KAT2B: variants seen among roughly 807,000 people sequenced by gnomAD.
KAT2B encodes the protein histone acetyltransferase KAT2B.
A neutral mutation model predicts 105.9 loss-of-function variants in KAT2B; 36 were observed. The ratio of observed to expected loss-of-function variants is 0.34; its 90% CI spans 0.26 to 0.45. KAT2B has a LOEUF of 0.45. Ranked by LOEUF, KAT2B falls within the 20% of genes least tolerant of loss-of-function variation. The pLI is 1.00. For missense variants in KAT2B, 820 were observed against 1,021.6 expected (o/e 0.80, Z 2.69); for synonymous variants, 397 against 377.9 (o/e 1.05, Z -0.59).
intron 2 of KAT2B, among the ~76,000 whole-genome samples, chr3:20,091,549 CTTCT>C (rs1328158697): frequency 6.6e-6 from 1 of 151,722 alleles, no homozygotes; most frequent in Non-Finnish European, 1.5e-5. Flanking sequence ...TTAGTTCGTT[CTTCT>C]TTGTCTAGTT....
In KAT2B at chr3:20,146,329, T is replaced by C. The variant is rs759409572; in HGVS notation, c.2018T>C (p.Leu673Pro). The change falls in exon 14 of 18, where the codon CTG becomes CCG. Residue 673 changes from leucine to proline, a missense_variant. Physicochemically the swap from Leu to Pro is moderately conservative, Grantham distance 98. Transcript: ENST00000263754. Reference protein sequence around the residue: ...IKKQKEIIKKLIERKQAQIRK... With the variant: ...IKKQKEIIKKPIERKQAQIRK... ...TGTGCTTTACAGATAATTAAAAAAC[T>C]GATTGAAAGAAAACAGGCACAAATT... is the stretch of plus-strand genomic sequence containing the variant. 4 of 1,602,918 alleles carry C rather than the reference T, an allele frequency of 2.5e-6. No homozygotes were observed. Among genetic ancestry groups the C allele is most frequent in the Non-Finnish European group, 3.4e-6 (4 of 1,170,098 alleles).
At position 20,152,435 on chromosome 3, in the gene KAT2B, C is replaced by T. The variant is rs139361011; in HGVS notation, c.2409C>T (p.Asn803=). 3.1e-5 allele frequency: 50 copies of T among 1,612,874 alleles called. No homozygotes were observed. The highest frequency in any genetic ancestry group is 3.9e-5 in the Non-Finnish European group (46 of 1,179,056). ...QRVFTNCKEY[N]PPESEYYKCA... ...TCTTTACCAATTGCAAAGAGTACAACCCCCCTGAGAGTGAATACTACAAAT... is the reference window on the plus strand; with the variant it reads ...TCTTTACCAATTGCAAAGAGTACAATCCCCCTGAGAGTGAATACTACAAAT... The change falls in exon 18 of 18, where the codon AAC becomes AAT. Residue 803 remains asparagine (N), a synonymous_variant. Transcript: ENST00000263754.
intron 3 of KAT2B, among the ~76,000 whole-genome samples, chr3:20,098,225 G>A (rs766985807): frequency 5.2e-4 from 68 of 130,938 alleles, no homozygotes; most frequent in Non-Finnish European, 8.6e-4. Context: ...GTGAGACAAC[G>A]TCCCAAATTA....
At chr3:20,058,850 C>T (rs1048194497) in intron 1 of KAT2B, among the ~76,000 whole-genome samples, 2 of 152,068 alleles carry the variant, frequency 1.3e-5, no homozygotes, top group African/African-American at 4.8e-5. Flanking sequence ...GAAGTCAAAC[C>T]ATCTTTATCT....
chr3:20,083,307 G>T (rs1286800675), intron 2 of KAT2B, among the ~76,000 whole-genome samples: 2 of 152,078 alleles, frequency 1.3e-5, no homozygotes, highest in African/African-American at 2.4e-5. Context: ...ATCTCTTTAA[G>T]AAAACATACT....
chr3:20,138,452 A>G (rs1699642138), intron 12 of KAT2B, among the ~76,000 whole-genome samples: 1 of 152,092 alleles, frequency 6.6e-6, no homozygotes, highest in African/African-American at 2.4e-5. Context: ...GTTTGTGTAC[A>G]TGTTTTGCCC....
chr3:20,079,011 G>A (rs1242156787), intron 2 of KAT2B, among the ~76,000 whole-genome samples: 1 of 150,662 alleles, frequency 6.6e-6, no homozygotes. Flanking sequence ...AGCTTCCCAG[G>A]TAGCTGGGAT....
At chr3:20,075,124 CAT>C (rs774565376) in intron 2 of KAT2B, among the ~76,000 whole-genome samples, 4 of 151,932 alleles carry the variant, frequency 2.6e-5, no homozygotes, top group Non-Finnish European at 5.9e-5. Flanking sequence ...ATTAGCTGGG[CAT>C]GGTGGCAAGC....
chr3:20,147,757 CAT>C (rs1023355715), intron 14 of KAT2B, among the ~76,000 whole-genome samples: 2 of 152,186 alleles, frequency 1.3e-5, no homozygotes, highest in Admixed American at 6.5e-5. Flanking sequence ...AAAACACTAA[CAT>C]ATGGGGCAGC....
intron 5 of KAT2B, 43 bp from the exon 6 acceptor site, chr3:20,111,553 G>A: frequency 3.4e-6 from 5 of 1,467,306 alleles, no homozygotes; most frequent in Non-Finnish European, 4.7e-6. Flanking sequence ...GATGACCTGG[G>A]GGTTTATGGG....
chr3:20,151,304 C>T (rs9853877), intron 17 of KAT2B, among the ~76,000 whole-genome samples: 2,930 of 152,246 alleles, frequency 0.019, 107 homozygotes, highest in African/African-American at 0.067. Flanking sequence ...CAAATGAATT[C>T]CTTCCCATTT....
intron 5 of KAT2B, among the ~76,000 whole-genome samples, chr3:20,111,300 A>G (rs1044344715): frequency 1.3e-5 from 2 of 152,242 alleles, no homozygotes; most frequent in Non-Finnish European, 2.9e-5. Flanking sequence ...TTTCAAAGTT[A>G]TGCAGCTAGT....
intron 17 of KAT2B, among the ~76,000 whole-genome samples, chr3:20,151,213 G>A (rs958218503): frequency 1.3e-5 from 2 of 152,172 alleles, no homozygotes; most frequent in Non-Finnish European, 2.9e-5. Flanking sequence ...AACCAAGATA[G>A]GCTTTATTCA....
At chr3:20,064,635 G>C (rs1310873072) in intron 1 of KAT2B, among the ~76,000 whole-genome samples, 5 of 152,196 alleles carry the variant, frequency 3.3e-5, no homozygotes, top group Admixed American at 1.3e-4. Flanking sequence ...CTGCAGGGTA[G>C]AATGAGTAAC....
At chr3:20,107,470 C>T (rs1023933745) in intron 5 of KAT2B, among the ~76,000 whole-genome samples, 2 of 151,270 alleles carry the variant, frequency 1.3e-5, no homozygotes, top group Admixed American at 1.3e-4. Context: ...CCAGCCTGGC[C>T]AACATGGTGA....
intron 1 of KAT2B, among the ~76,000 whole-genome samples, chr3:20,064,375 C>T (rs1435445040): frequency 6.6e-6 from 1 of 152,150 alleles, no homozygotes; most frequent in Non-Finnish European, 1.5e-5. Flanking sequence ...TCTCTTGTAG[C>T]TATTTTGTAA....
At chr3:20,057,819 A>G (rs969418722) in intron 1 of KAT2B, among the ~76,000 whole-genome samples, 1 of 152,134 alleles carries the variant, frequency 6.6e-6, no homozygotes, top group Non-Finnish European at 1.5e-5. Flanking sequence ...CCATTCCAGC[A>G]TCTTCAGAGA....
intron 16 of KAT2B, 27 bp from the exon 17 acceptor site, chr3:20,148,376 G>A (rs1289796549): frequency 2.5e-6 from 4 of 1,609,950 alleles, no homozygotes; most frequent in South Asian, 1.1e-5. Flanking sequence ...TTCCATATTA[G>A]ATACCTTACT....
intron 1 of KAT2B, among the ~76,000 whole-genome samples, chr3:20,047,923 AC>A (rs1329587337): frequency 1.3e-5 from 2 of 152,022 alleles, no homozygotes; most frequent in Non-Finnish European, 2.9e-5. Context: ...GCCCATGAAT[AC>A]CTTTTTAAAG....
Sources: allele counts gnomAD v4.1 joint callset (sites outside exome capture counted in the v4.1 genomes callset), GRCh38; gene constraint gnomAD v4.1.1; transcripts MANE v1.5; gene names NCBI Gene and HGNC (gene_info 2026-07-23, HGNC 2026-07-21).